SLC41A2: variants seen among roughly 807,000 people sequenced by gnomAD.
SLC41A2 encodes solute carrier family 41 member 2.
Under a neutral mutation model 58.3 loss-of-function variants are expected in SLC41A2, and 32 were observed. The ratio of observed to expected loss-of-function variants is 0.55; its 90% CI spans 0.41 to 0.74. The LOEUF is 0.74. Ranked by LOEUF, SLC41A2 falls within the 30% of genes least tolerant of loss-of-function variation. The probability of loss-of-function intolerance (pLI) is 0.00; values close to 1 mark genes in which losing one functional copy is unlikely to be tolerated. For missense variants in SLC41A2, 514 were observed against 680.6 expected, an observed-to-expected ratio of 0.76 and a Z score of 2.72; for synonymous variants, 190 against 235.0, an observed-to-expected ratio of 0.81 and a Z score of 1.75.
At chr12:104,925,392 A>C (rs1241351067) in intron 2 of SLC41A2, among the ~76,000 whole-genome samples, 4 of 151,612 alleles carry the variant, frequency 2.6e-5, no homozygotes, top group Non-Finnish European at 5.9e-5. Context: ...CCCCATCTCT[A>C]CTAAAAATAC....
intron 4 of SLC41A2, among the ~76,000 whole-genome samples, chr12:104,892,301 AAAAAT>A (rs372175701): frequency 1.0e-4 from 14 of 140,612 alleles, no homozygotes; most frequent in South Asian, 2.2e-4. Context: ...ATCTCAAAAA[AAAAAT>A]AAAATAAAAT....
chr12:104,891,729 TA>T (rs564265594), intron 4 of SLC41A2, among the ~76,000 whole-genome samples: 2 of 151,954 alleles, frequency 1.3e-5, no homozygotes, highest in East Asian at 3.9e-4. Context: ...GAAGGGCATC[TA>T]AATTGGAAAG....
chr12:104,853,227 C>T (rs555130363), intron 8 of SLC41A2, among the ~76,000 whole-genome samples: 50 of 152,268 alleles, frequency 3.3e-4, no homozygotes, highest in African/African-American at 7.0e-4. Flanking sequence ...TTAGCACTAA[C>T]GTCATGGAAT....
In SLC41A2 at chr12:104,895,809, A is replaced by G. The variant is rs76490656; in HGVS notation, c.664-464T>C. On this transcript the variant is annotated intron_variant, in intron 3 of 10. Transcript: ENST00000258538. The stretch of plus-strand genomic sequence containing the variant: ...CATGTATACAATTTATATTTGAGTC[A>G]CGACTAAAACTGTTAGCAATAAAAT... Among the ~76,000 whole-genome samples, 1,342 of 152,322 alleles carry G rather than the reference A, an allele frequency of 8.8e-3. 42 individuals carry two copies. In the East Asian group the frequency reaches 0.12, roughly 14 times the overall value.
intron 4 of SLC41A2, among the ~76,000 whole-genome samples, chr12:104,894,023 A>C (rs1411935895): frequency 6.6e-6 from 1 of 152,220 alleles, no homozygotes; most frequent in African/African-American, 2.4e-5. Context: ...TGTAACACAG[A>C]GGATAAATGC....
chr12:104,872,354 TGGA>T (rs751286594), intron 6 of SLC41A2, among the ~76,000 whole-genome samples: 4 of 152,186 alleles, frequency 2.6e-5, no homozygotes, highest in Admixed American at 6.5e-5. Flanking sequence ...CACTCTTTTT[TGGA>T]GGAGTGGAGA....
Position 104,853,911 on chromosome 12 carries a change from A to ATTATTATTATTTTTTTTTT in SLC41A2, c.1255+7379_1255+7380insAAAAAAAAAATAATAATAA. Among the ~76,000 whole-genome samples, 277 of 59,444 alleles carry ATTATTATTATTTTTTTTTT rather than the reference A, an allele frequency of 4.7e-3. 24 individuals carry two copies. The highest frequency in any genetic ancestry group is 0.012 in the Middle Eastern group (1 of 86). The allele number at this position is 59,444 out of a possible 152,430, so 39.0% of individuals were successfully genotyped here. A position where few individuals can be genotyped will look rare whatever the true frequency, so the allele number is the denominator to read the frequency against. ...GGGTGCATGTCACCATGCCTGGCTG[A>ATTATTATTATTTTTTTTTT]TTTTTTTTTTTTTTTTTTTTTTTTT... is the stretch of plus-strand genomic sequence containing the variant. On this transcript the variant is annotated intron_variant, in intron 8 of 10. Transcript: ENST00000258538.
At chr12:104,887,524 T>A (rs1200888750) in intron 5 of SLC41A2, among the ~76,000 whole-genome samples, 2 of 151,856 alleles carry the variant, frequency 1.3e-5, no homozygotes, top group African/African-American at 4.8e-5. Context: ...AGACTTACCT[T>A]TCCCATAATA....
chr12:104,868,451 C>G (rs1419207255), intron 6 of SLC41A2, among the ~76,000 whole-genome samples: 1 of 151,980 alleles, frequency 6.6e-6, no homozygotes, highest in African/African-American at 2.4e-5. Context: ...AACGCACCCA[C>G]CACACCCACC....
chr12:104,898,502 C>A (rs2045402813), intron 3 of SLC41A2, among the ~76,000 whole-genome samples: 2 of 148,524 alleles, frequency 1.3e-5, no homozygotes, highest in African/African-American at 5.0e-5. Context: ...TGAAAGTCTC[C>A]ATTCATGCAT....
intron 7 of SLC41A2, among the ~76,000 whole-genome samples, chr12:104,864,071 T>A (rs1457556264): frequency 6.6e-6 from 1 of 151,862 alleles, no homozygotes; most frequent in Non-Finnish European, 1.5e-5. Context: ...TTCCCTCCAA[T>A]ACCCCCTTGG....
chr12:104,872,794 A>G (rs572138606), intron 6 of SLC41A2, among the ~76,000 whole-genome samples: 1 of 152,320 alleles, frequency 6.6e-6, no homozygotes, highest in East Asian at 1.9e-4. Context: ...GCCTTAGTAC[A>G]TGTATGAAAG....
At chr12:104,872,669 G>A (rs1456219704) in intron 6 of SLC41A2, among the ~76,000 whole-genome samples, 1 of 152,086 alleles carries the variant, frequency 6.6e-6, no homozygotes, top group South Asian at 2.1e-4. Context: ...GGCGGAGGTT[G>A]CAGTGAGCCG....
intron 6 of SLC41A2, among the ~76,000 whole-genome samples, chr12:104,877,306 C>T (rs776773011): frequency 1.6e-4 from 24 of 152,124 alleles, no homozygotes; most frequent in Non-Finnish European, 3.2e-4. Context: ...CCCCCTAGTG[C>T]GCACAGAGCA....
chr12:104,834,072 C>G (rs1258113226), intron 10 of SLC41A2: 1 of 985,298 alleles, frequency 1.0e-6, no homozygotes, highest in African/African-American at 1.7e-5. Context: ...CCGAAAAGAG[C>G]TCTTTCCCAA....
intron 10 of SLC41A2, among the ~76,000 whole-genome samples, chr12:104,840,931 A>C (rs1422676975): frequency 2.0e-5 from 3 of 152,208 alleles, no homozygotes; most frequent in African/African-American, 7.2e-5. Context: ...CCATTCAGCT[A>C]CAAGACCAAA....
At chr12:104,853,923 T>TA (rs2042914001) in intron 8 of SLC41A2, among the ~76,000 whole-genome samples, 8 of 100,166 alleles carry the variant, frequency 8.0e-5, no homozygotes, top group African/African-American at 2.2e-4. Context: ...TTTTTTTTTT[T>TA]TTTTTTTTTT....
chr12:104,838,004 T>G (rs115919568), intron 10 of SLC41A2, among the ~76,000 whole-genome samples: 1,969 of 152,270 alleles, frequency 0.013, 41 homozygotes, highest in African/African-American at 0.044. Flanking sequence ...GGGGCCTATC[T>G]TTTGCCCTTC....
chr12:104,809,469 CAGAG>C (rs1441836421), intron 10 of SLC41A2, among the ~76,000 whole-genome samples: 2 of 152,172 alleles, frequency 1.3e-5, no homozygotes, highest in Non-Finnish European at 2.9e-5. Flanking sequence ...GGACATCTGT[CAGAG>C]AGAGGTTGTA....
Sources: gnomAD v4.1 joint callset for allele counts (sites outside exome capture counted in the v4.1 genomes callset) on GRCh38, gnomAD v4.1.1 for gene constraint, MANE v1.5 for transcripts, NCBI Gene and HGNC (gene_info 2026-07-23, HGNC 2026-07-21) for gene names.